Variants in PCDHA1 observed in about 807,000 individuals in gnomAD.
The protein encoded by PCDHA1 is protocadherin alpha-1.
PCDHA1 carries 42 observed loss-of-function variants against 61.3 expected under a neutral mutation model. That is an observed-to-expected ratio of 0.69 (90% CI 0.54 to 0.89). The LOEUF is 0.89. PCDHA1 is among the 40% of genes least tolerant of loss of function. The pLI is 0.00. For missense variants in PCDHA1, 1,256 were observed against 1,235.3 expected (o/e 1.02, Z -0.25); for synonymous variants, 610 against 553.8 (o/e 1.10, Z -1.43).
chr5:140,974,578 C>A (rs1554236214), intron 1 of PCDHA1, among the ~76,000 whole-genome samples: 1 of 152,170 alleles, frequency 6.6e-6, no homozygotes, highest in Non-Finnish European at 1.5e-5. Flanking sequence ...ATGGCATGAT[C>A]TTGGCTCACT....
At chr5:140,986,458 A>G (rs1199378141) in intron 3 of PCDHA1, among the ~76,000 whole-genome samples, 1 of 152,166 alleles carries the variant, frequency 6.6e-6, no homozygotes, top group Admixed American at 6.5e-5. Flanking sequence ...GTTTTAATGA[A>G]TGCCCTCTTG....
chr5:140,870,264 G>C (rs1554163970), intron 1 of PCDHA1: 1 of 1,614,166 alleles, frequency 6.2e-7, no homozygotes, highest in South Asian at 1.1e-5. Context: ...TGACCTGCTC[G>C]CTGACGCCCC....
At chr5:140,864,945 C>A (rs2048665503) in intron 1 of PCDHA1, 1 of 152,120 alleles carries the variant, frequency 6.6e-6, no homozygotes, top group African/African-American at 2.4e-5. Flanking sequence ...GGCCTGTAAT[C>A]CCAGCATTTT....
At chr5:140,838,285 T>TTA (rs1554136986) in intron 1 of PCDHA1, among the ~76,000 whole-genome samples, 1 of 149,460 alleles carries the variant, frequency 6.7e-6, no homozygotes, top group East Asian at 2.0e-4. Flanking sequence ...TGCTAATTTT[T>TTA]TTTTTTTTTT....
intron 1 of PCDHA1, chr5:140,843,282 A>T (rs2150356425): frequency 6.3e-6 from 10 of 1,595,910 alleles, no homozygotes; most frequent in Non-Finnish European, 7.7e-6. Context: ...GTGAAGGATC[A>T]TGGTGAACCT....
intron 1 of PCDHA1, chr5:140,828,976 A>C: frequency 4.3e-6 from 7 of 1,614,178 alleles, no homozygotes; most frequent in Non-Finnish European, 4.2e-6. Context: ...ACTTTAGCAT[A>C]GATCGAAATA....
At chr5:140,938,930 A>T (rs2092272913) in intron 1 of PCDHA1, among the ~76,000 whole-genome samples, 1 of 152,066 alleles carries the variant, frequency 6.6e-6, no homozygotes, top group African/African-American at 2.4e-5. Flanking sequence ...ATTGGCTTTT[A>T]ACTTTCCATT....
rs200716185 is a variant in PCDHA1 at position 140,788,034 on chromosome 5, C to G, written c.1744C>G (p.Pro582Ala). The G allele has an allele frequency of 4.6e-5, 75 of 1,613,894 alleles. No individual in the cohort carries two copies. Among genetic ancestry groups the G allele is most frequent in the Non-Finnish European group, 5.8e-5 (68 of 1,179,912 alleles). ...GTIGAVSELV[P>A]RLVGAGHVVA... is the part of the protein sequence containing the mutation. The stretch of plus-strand genomic sequence containing the variant: ...TATTGGTGCAGTCAGTGAGCTGGTG[C>G]CGCGATTGGTGGGTGCGGGTCATGT... Residue 582 changes from proline to alanine, a missense_variant, in exon 1 of 4, where the codon CCG becomes GCG. Coordinates refer to ENST00000504120, the MANE Select transcript of PCDHA1 (RefSeq NM_018900.4).
At chr5:140,871,140 C>T (rs939950931) in intron 1 of PCDHA1, 2 of 1,613,336 alleles carry the variant, frequency 1.2e-6, no homozygotes, top group Non-Finnish European at 8.5e-7. Context: ...AGGCCTCTTC[C>T]CGGACTTTGG....
At chr5:140,973,946 G>A (rs566831681) in intron 1 of PCDHA1, among the ~76,000 whole-genome samples, 45 of 152,304 alleles carry the variant, frequency 3.0e-4, no homozygotes, top group Non-Finnish European at 1.5e-4. Flanking sequence ...GAATATGATG[G>A]CATTTTACAG....
In PCDHA1 at chr5:140,883,587, G is replaced by C. The variant is rs1554178846; in HGVS notation, c.2394+94903G>C. ...TCGCCTTCGCTGTGGGCCACGGCCA[G>C]CGTGTCGGTGGGGGTGGCCGACGTG... On this transcript the variant is annotated intron_variant, in intron 1 of 3. Coordinates refer to ENST00000504120, the MANE Select transcript of PCDHA1 (RefSeq NM_018900.4). 6.2e-7 allele frequency: 1 copy of C among 1,614,030 alleles called. No individual in the cohort carries two copies. Among genetic ancestry groups the C allele is most frequent in the Non-Finnish European group, 8.5e-7 (1 of 1,179,946 alleles).
At chr5:140,983,517 G>A (rs1475712929) in intron 3 of PCDHA1, among the ~76,000 whole-genome samples, 2 of 152,196 alleles carry the variant, frequency 1.3e-5, no homozygotes, top group African/African-American at 4.8e-5. Flanking sequence ...TAGACACTGT[G>A]CCAAGTACAT....
chr5:140,823,439 T>C lies in PCDHA1; in HGVS notation c.2394+34755T>C, dbSNP rs2150125835. The C allele has an allele frequency of 6.2e-6, 10 of 1,613,256 alleles. No individual in the cohort carries two copies. Among genetic ancestry groups the C allele is most frequent in the African/African-American group, 1.3e-5 (1 of 74,918 alleles). On this transcript the variant is annotated intron_variant, in intron 1 of 3. Coordinates refer to ENST00000504120, the MANE Select transcript of PCDHA1 (RefSeq NM_018900.4). The stretch of plus-strand genomic sequence containing the variant: ...AACGTGACGCTGCAGGTGTTCGTGC[T>C]GGACGAGAACGACAACGCGCCGGCG...
At chr5:140,842,129 G>A (rs1181203703) in intron 1 of PCDHA1, 2 of 1,613,748 alleles carry the variant, frequency 1.2e-6, no homozygotes, top group Non-Finnish European at 1.7e-6. Context: ...TTCTGATCCG[G>A]ATGAAGGAGC....
At chr5:140,923,804 ATCT>A (rs1273575266) in intron 1 of PCDHA1, among the ~76,000 whole-genome samples, 1 of 152,220 alleles carries the variant, frequency 6.6e-6, no homozygotes, top group African/African-American at 2.4e-5. Flanking sequence ...CACAAATGAA[ATCT>A]TCTGAAAATA....
At chr5:140,856,040 A>T (rs374986437) in intron 1 of PCDHA1, 4 of 1,569,320 alleles carry the variant, frequency 2.5e-6, no homozygotes, top group Non-Finnish European at 3.5e-6. Flanking sequence ...AAAACAAGAG[A>T]AGGATAAGAT....
intron 1 of PCDHA1, chr5:140,805,366 C>T (rs1763552570): frequency 2.6e-6 from 3 of 1,160,808 alleles, no homozygotes; most frequent in South Asian, 5.5e-5. Flanking sequence ...TTTGGGTCCC[C>T]ACATAGTGAA....
chr5:140,878,016 G>A, intron 1 of PCDHA1: 2 of 818,388 alleles, frequency 2.4e-6, no homozygotes, highest in Admixed American at 3.6e-5. Context: ...CATTAATGAA[G>A]GAAATATGTA....
intron 1 of PCDHA1, chr5:140,828,768 T>C (rs2150158736): frequency 6.2e-7 from 1 of 1,614,220 alleles, no homozygotes; most frequent in Non-Finnish European, 8.5e-7. Flanking sequence ...ACAGGCACTG[T>C]TCAGCTGCTG....
Sources: gnomAD v4.1 joint callset for allele counts (sites outside exome capture counted in the v4.1 genomes callset) on GRCh38, gnomAD v4.1.1 for gene constraint, MANE v1.5 for transcripts, NCBI Gene and HGNC (gene_info 2026-07-23, HGNC 2026-07-21) for gene names.